PCDHA13: variants seen among roughly 807,000 people sequenced by gnomAD.
PCDHA13 encodes protocadherin alpha-13.
PCDHA13 carries 54 observed loss-of-function variants against 64.8 expected under a neutral mutation model. The ratio of observed to expected loss-of-function variants is 0.83; its 90% CI spans 0.67 to 1.04. PCDHA13 has a LOEUF of 1.04. Among genes scored for constraint, PCDHA13 ranks in the 50% least tolerant of loss-of-function variants. PCDHA13 has a pLI of 0.00. For synonymous variants in PCDHA13, 587 were observed against 564.4 expected, an observed-to-expected ratio of 1.04 and a Z score of -0.57; for missense variants, 1,248 against 1,254.3, an observed-to-expected ratio of 0.99 and a Z score of 0.08.
chr5:140,920,133 C>A (rs1463322279), intron 1 of PCDHA13, among the ~76,000 whole-genome samples: 7 of 152,178 alleles, frequency 4.6e-5, no homozygotes, highest in African/African-American at 1.4e-4. Flanking sequence ...AGTTTTAATT[C>A]TCCTCTCCAA....
At chr5:140,985,608 G>A (rs76669319) in intron 3 of PCDHA13, among the ~76,000 whole-genome samples, 1,553 of 152,166 alleles carry the variant, frequency 0.01, 12 homozygotes, top group Middle Eastern at 0.054. Context: ...AGCCCTTTCC[G>A]TGAACCAGCT....
At chr5:140,950,073 G>T (rs2094447306) in intron 1 of PCDHA13, among the ~76,000 whole-genome samples, 1 of 151,672 alleles carries the variant, frequency 6.6e-6, no homozygotes, top group Non-Finnish European at 1.5e-5. Flanking sequence ...CTGTGCCATT[G>T]CTTATGCTAT....
At chr5:140,921,534 G>A (rs1413381073) in intron 1 of PCDHA13, among the ~76,000 whole-genome samples, 3 of 152,130 alleles carry the variant, frequency 2.0e-5, no homozygotes, top group African/African-American at 7.2e-5. Context: ...TCTGCTGATA[G>A]AACATTCTGC....
intron 1 of PCDHA13, among the ~76,000 whole-genome samples, chr5:140,941,202 C>CCTTTCTTCCTTCCTTTCTTTCTTTCTTT (rs1394736170): frequency 4.9e-5 from 6 of 122,740 alleles, no homozygotes; most frequent in Admixed American, 1.7e-4. Context: ...TTTCTTTCTT[C>CCTTTCTTCCTTCCTTTCTTTCTTTCTTT]CTTTCTTTCT....
At chr5:140,999,551 G>C (rs1189671768) in intron 3 of PCDHA13, among the ~76,000 whole-genome samples, 3 of 152,088 alleles carry the variant, frequency 2.0e-5, no homozygotes, top group East Asian at 1.9e-4. Context: ...CAATGAAGAG[G>C]GGGTATTTTG....
Position 141,009,742 on chromosome 5 carries a change from C to A in PCDHA13, c.2658C>A (p.Asp886Glu). 6.2e-7 allele frequency: 1 copy of A among 1,614,160 alleles called. No individual in the cohort carries two copies. Among genetic ancestry groups the A allele is most frequent in the Non-Finnish European group, 8.5e-7 (1 of 1,180,038 alleles). The part of the protein sequence containing the change: ...PKQSGPGELP[D>E]KFIIPGSPAI... ...AATCCGGTCCCGGTGAGTTGCCCGA[C>A]AAATTCATTATCCCAGGATCTCCTG... is the stretch of plus-strand genomic sequence containing the variant. The change falls in exon 4 of 4, where the codon GAC becomes GAA. Residue 886 changes from aspartate to glutamate, a missense_variant. By Grantham distance (45) the Asp-to-Glu change is conservative. Coordinates refer to ENST00000289272, the MANE Select transcript of PCDHA13 (RefSeq NM_018904.3).
chr5:140,965,323 G>A (rs2095891055), intron 1 of PCDHA13, among the ~76,000 whole-genome samples: 1 of 152,176 alleles, frequency 6.6e-6, no homozygotes, highest in South Asian at 2.1e-4. Flanking sequence ...TTTTACTGAA[G>A]TGAATTTGTT....
chr5:140,977,899 C>A (rs1193855952), intron 1 of PCDHA13, among the ~76,000 whole-genome samples: 1 of 152,124 alleles, frequency 6.6e-6, no homozygotes, highest in East Asian at 1.9e-4. Context: ...CAAAATACAA[C>A]TTTTATCCCC....
chr5:140,994,263 C>G (rs1329526022), intron 3 of PCDHA13, among the ~76,000 whole-genome samples: 1 of 152,160 alleles, frequency 6.6e-6, no homozygotes, highest in African/African-American at 2.4e-5. Flanking sequence ...ATAAGGTAAG[C>G]TAGGCTGCCT....
chr5:140,926,199 G>C (rs541337659), intron 1 of PCDHA13, among the ~76,000 whole-genome samples: 1 of 151,790 alleles, frequency 6.6e-6, no homozygotes, highest in African/African-American at 2.4e-5. Context: ...CACTTCTTTC[G>C]GGGGGCTCCT....
intron 1 of PCDHA13, among the ~76,000 whole-genome samples, chr5:140,889,648 A>G (rs1414947366): frequency 6.6e-6 from 1 of 152,094 alleles, no homozygotes; most frequent in African/African-American, 2.4e-5. Flanking sequence ...TGTTTGCAGG[A>G]GATGTCCTCT....
intron 3 of PCDHA13, among the ~76,000 whole-genome samples, chr5:140,988,509 TA>T (rs2097301045): frequency 6.6e-6 from 1 of 152,170 alleles, no homozygotes; most frequent in Non-Finnish European, 1.5e-5. Flanking sequence ...CCATGAAGCT[TA>T]CTTAAGTCTC....
At chr5:140,908,971 C>T (rs2074247509) in intron 1 of PCDHA13, among the ~76,000 whole-genome samples, 1 of 152,274 alleles carries the variant, frequency 6.6e-6, no homozygotes, top group Admixed American at 6.5e-5. Flanking sequence ...TGATAGGCCC[C>T]ACTCCACTGG....
intron 1 of PCDHA13, among the ~76,000 whole-genome samples, chr5:140,900,525 C>A (rs1322679465): frequency 6.6e-6 from 1 of 152,232 alleles, no homozygotes; most frequent in East Asian, 1.9e-4. Context: ...GATCTGCCCA[C>A]CTCGGCTTTC....
At chr5:140,902,974 A>T (rs1291767760) in intron 1 of PCDHA13, among the ~76,000 whole-genome samples, 1 of 152,178 alleles carries the variant, frequency 6.6e-6, no homozygotes, top group African/African-American at 2.4e-5. Context: ...ATGGGCATTT[A>T]GGTTGGTTCC....
chr5:140,966,705 G>A, intron 1 of PCDHA13: 1 of 1,379,198 alleles, frequency 7.3e-7, no homozygotes, highest in Non-Finnish European at 9.3e-7. Context: ...CGGGCGTGGG[G>A]CACGGCTGGG....
chr5:140,886,786 A>C (rs2061126610), intron 1 of PCDHA13, among the ~76,000 whole-genome samples: 1 of 150,390 alleles, frequency 6.6e-6, no homozygotes, highest in East Asian at 2.0e-4. Context: ...AGATCATGCT[A>C]CTGTACTCCA....
At chr5:140,948,259 G>A (rs1430770984) in intron 1 of PCDHA13, among the ~76,000 whole-genome samples, 3 of 151,464 alleles carry the variant, frequency 2.0e-5, no homozygotes, top group Non-Finnish European at 3.0e-5. Context: ...TTACATCTGT[G>A]TTCATGTAGA....
intron 1 of PCDHA13, among the ~76,000 whole-genome samples, chr5:140,960,004 A>C (rs2095521827): frequency 6.6e-6 from 1 of 152,216 alleles, no homozygotes; most frequent in Non-Finnish European, 1.5e-5. Context: ...ATACAAATCT[A>C]TTTTGCATCA....
Sources: allele counts gnomAD v4.1 joint callset (sites outside exome capture counted in the v4.1 genomes callset), GRCh38; gene constraint gnomAD v4.1.1; transcripts MANE v1.5; gene names NCBI Gene and HGNC (gene_info 2026-07-23, HGNC 2026-07-21).